POM121L2: variants seen among roughly 807,000 people sequenced by gnomAD.
POM121L2 encodes POM121 transmembrane nucleoporin like 2, also known as POM121-like protein 2.
For synonymous variants in POM121L2, 459 were observed against 483.8 expected (o/e 0.95, Z 0.67); for missense variants, 1,167 against 1,260.3 (o/e 0.93, Z 1.12).
Position 27,311,080 on chromosome 6 carries a change from C to G in POM121L2, c.1091G>C (p.Gly364Ala). 6.4e-7 allele frequency: 1 copy of G among 1,551,920 alleles called. No homozygotes were observed. The highest frequency in any genetic ancestry group is 8.7e-7 in the Non-Finnish European group (1 of 1,147,046). Residue 364 changes from glycine to alanine, a missense_variant, in exon 1 of 1, where the codon GGA (glycine) becomes GCA (alanine). Physicochemically the swap from Gly to Ala is moderately conservative, Grantham distance 60. Coordinates refer to ENST00000444565, the MANE Select transcript of POM121L2 (RefSeq NM_033482.4). Reference protein sequence around the residue: ...KAELQVSNNAGEDTTEVNTDP... With the variant: ...KAELQVSNNAAEDTTEVNTDP... ...TGTGTTGACCTCAGTTGTATCTTCT[C>G]CTGCGTTGTTGCTTACCTGTAGCTC...
chr6:27,309,630 G>A lies in POM121L2; in HGVS notation c.2541C>T (p.Gly847=), dbSNP rs1165989785. The change falls in exon 1 of 1, where the codon GGC becomes GGT. Residue 847 remains glycine (G), a synonymous_variant. Transcript: ENST00000444565. ...TSQTPASTWS[G]IGGIPAGFPI... ...GAAAACCTGCTGGAATGCCGCCAAT[G>A]CCTGACCAGGTGCTGGCAGGGGTTT... The A allele has an allele frequency of 5.8e-6, 9 of 1,551,674 alleles. No homozygotes were observed. The highest frequency in any genetic ancestry group is 1.4e-5 in the African/African-American group (1 of 73,048).
In POM121L2 at chr6:27,309,059, C is replaced by T. The variant is rs766179063; in HGVS notation, c.*4G>A. The T allele has an allele frequency of 8.4e-6, 13 of 1,542,872 alleles. No homozygotes were observed. The highest frequency in any genetic ancestry group is 1.1e-5 in the Non-Finnish European group (12 of 1,142,194). ...ATCAGGGTGCAAGTGACAGGGAACA[C>T]AGGCTACTTCTTGTAGGCATGATGC... On this transcript the variant is annotated 3_prime_UTR_variant, in exon 1 of 1. Coordinates refer to ENST00000444565, the MANE Select transcript of POM121L2 (RefSeq NM_033482.4).
In POM121L2 at chr6:27,309,011, TC is replaced by T. The variant is rs747317250; in HGVS notation, c.*51del. 35 of 1,400,194 alleles carry T rather than the reference TC, an allele frequency of 2.5e-5. No homozygotes were observed. The highest frequency in any genetic ancestry group is 3.3e-5 in the Non-Finnish European group (35 of 1,046,792). The allele number at this position is 1,400,194 out of a possible 1,614,324, so 86.7% of individuals were successfully genotyped here. ...GAAAATTGGAAGACACTGAGGTTTT[TC>T]AAAAACAATACTGAGGTCTAAATCA... On this transcript the variant is annotated 3_prime_UTR_variant, in exon 1 of 1. Transcript: ENST00000444565.
At position 27,310,378 on chromosome 6, in the gene POM121L2, G is replaced by C. The variant is rs1378715017; in HGVS notation, c.1793C>G (p.Ser598Cys). The C allele has an allele frequency of 1.3e-6, 2 of 1,552,002 alleles. No individual in the cohort carries two copies. The highest frequency in any genetic ancestry group is 1.4e-5 in the African/African-American group (1 of 73,056). The change falls in exon 1 of 1, where the codon TCC becomes TGC. Residue 598 changes from serine to cysteine, a missense_variant. Transcript: ENST00000444565. Reference protein sequence around the residue: ...KTTPMIAPFSSKQTPPPFTHA... With the variant: ...KTTPMIAPFSCKQTPPPFTHA... Reference sequence around the variant, plus strand: ...AGTAAATGGAGGAGGGGTCTGCTTGGAGGAGAAAGGAGCTATCATGGGCGT... The same window carrying C: ...AGTAAATGGAGGAGGGGTCTGCTTGCAGGAGAAAGGAGCTATCATGGGCGT...
rs767586989 is a variant in POM121L2, at chr6:27,310,079, T to C, written c.2092A>G (p.Thr698Ala). ...AGGACCTGGGTAAACATGGTGACTG[T>C]ATGCACAGTAGGAATTGTAGGATGG... ...HHHPTIPTVH[T>A]VTMFTQVLSS... Residue 698 changes from threonine to alanine, a missense_variant, in exon 1 of 1, where the codon ACA becomes GCA. Coordinates refer to ENST00000444565, the MANE Select transcript of POM121L2 (RefSeq NM_033482.4). 2 of 1,552,196 alleles carry C rather than the reference T, an allele frequency of 1.3e-6. No homozygotes were observed. Among genetic ancestry groups the C allele is most frequent in the Admixed American group, 2.0e-5 (1 of 51,014 alleles).
In POM121L2 at chr6:27,310,097, T is replaced by C; in HGVS notation, c.2074A>G (p.Thr692Ala). Residue 692 changes from threonine (T) to alanine (A), a missense_variant, in exon 1 of 1, where the codon ACA (threonine) becomes GCA (alanine). Coordinates refer to ENST00000444565, the MANE Select transcript of POM121L2 (RefSeq NM_033482.4). ...GTGACTGTATGCACAGTAGGAATTG[T>C]AGGATGGTGGTGTGGTGGGAAAATG... ...GFIFPPHHHP[T>A]IPTVHTVTMF... is the part of the protein sequence containing the mutation. 6.4e-7 allele frequency: 1 copy of C among 1,552,118 alleles called. No individual in the cohort carries two copies. Among genetic ancestry groups the C allele is most frequent in the South Asian group, 1.2e-5 (1 of 84,062 alleles).
chr6:27,311,133 A>C lies in POM121L2; in HGVS notation c.1038T>G (p.Asp346Glu), dbSNP rs1561790709. 1 of 1,551,864 alleles carries C rather than the reference A, an allele frequency of 6.4e-7. No homozygotes were observed. The highest frequency in any genetic ancestry group is 2.0e-5 in the Admixed American group (1 of 51,006). The change falls in exon 1 of 1, where the codon GAT (aspartate) becomes GAG (glutamate). Residue 346 changes from aspartate to glutamate, a missense_variant. Transcript: ENST00000444565. ...PPPQLGYAVS[D>E]ENLTLGKKAE... ...CTTTCTTCCCCAAAGTCAAGTTCTC[A>C]TCAGAGACTGCATAACCAAGCTGGG...
At position 27,309,999 on chromosome 6, in the gene POM121L2, C is replaced by A. The variant is rs566870482; in HGVS notation, c.2172G>T (p.Met724Ile). 20 of 1,551,866 alleles carry A rather than the reference C, an allele frequency of 1.3e-5. No individual in the cohort carries two copies. The African/African-American group carries it at 2.3e-4, about 18-fold the overall frequency. ...GGGCAGAGGCAGGCAGAGGGCTGCC[C>A]ATACCCCTGAAATTAGCAGTGCTGC... Reference protein sequence around the residue: ...PRSSTANFRGMGSPLPASALV... With the variant: ...PRSSTANFRGIGSPLPASALV... The change falls in exon 1 of 1, where the codon ATG (methionine) becomes ATT (isoleucine). Residue 724 changes from methionine to isoleucine, a missense_variant. Met to Ile is a conservative substitution (Grantham distance 10). Transcript: ENST00000444565.
Position 27,309,057 on chromosome 6 carries a change from C to G in POM121L2, c.*6G>C, listed in dbSNP as rs1375179531. ...AAATCAGGGTGCAAGTGACAGGGAA[C>G]ACAGGCTACTTCTTGTAGGCATGAT... On this transcript the variant is annotated 3_prime_UTR_variant, in exon 1 of 1. Coordinates refer to ENST00000444565, the MANE Select transcript of POM121L2 (RefSeq NM_033482.4). 2.6e-6 allele frequency: 4 copies of G among 1,541,938 alleles called. No homozygotes were observed. The highest frequency in any genetic ancestry group is 3.5e-6 in the Non-Finnish European group (4 of 1,141,694).
Position 27,311,977 on chromosome 6 carries a change from G to A in POM121L2, c.194C>T (p.Ala65Val), listed in dbSNP as rs1253361552. 7 of 1,550,744 alleles carry A rather than the reference G, an allele frequency of 4.5e-6. No individual in the cohort carries two copies. The highest frequency in any genetic ancestry group is 6.1e-6 in the Non-Finnish European group (7 of 1,146,554). ...PVRRRPNLDP[A>V]NPTTWLANEA... ...GTTGGCCAGCCACGTGGTTGGATTGGCAGGATCCAGGTTTGGCCGCCTCCT... is the reference window on the plus strand; with the variant it reads ...GTTGGCCAGCCACGTGGTTGGATTGACAGGATCCAGGTTTGGCCGCCTCCT... The change falls in exon 1 of 1, where the codon GCC becomes GTC. Residue 65 changes from alanine (A) to valine (V), a missense_variant. By Grantham distance (64) the Ala-to-Val change is moderately conservative (BLOSUM62 0). Coordinates refer to ENST00000444565, the MANE Select transcript of POM121L2 (RefSeq NM_033482.4).
In POM121L2 at chr6:27,311,103, C is replaced by T; in HGVS notation, c.1068G>A (p.Glu356=). 4 of 1,551,838 alleles carry T rather than the reference C, an allele frequency of 2.6e-6. No homozygotes were observed. Among genetic ancestry groups the T allele is most frequent in the Non-Finnish European group, 3.5e-6 (4 of 1,147,032 alleles). The change falls in exon 1 of 1, where the codon GAG becomes GAA. Residue 356 remains glutamate, a synonymous_variant. Coordinates refer to ENST00000444565, the MANE Select transcript of POM121L2 (RefSeq NM_033482.4). Reference sequence around the variant, plus strand: ...CTCCTGCGTTGTTGCTTACCTGTAGCTCAGCTTTCTTCCCCAAAGTCAAGT... The same window carrying T: ...CTCCTGCGTTGTTGCTTACCTGTAGTTCAGCTTTCTTCCCCAAAGTCAAGT... ...DENLTLGKKA[E]LQVSNNAGED...
At position 27,309,066 on chromosome 6, in the gene POM121L2, C is replaced by T. The variant is rs763871064; in HGVS notation, c.3105G>A (p.Lys1035=). Residue 1035 remains lysine (K), a synonymous_variant, in exon 1 of 1, where the codon AAG becomes AAA. Transcript: ENST00000444565. ...GHSRRHHAYK[K] is the part of the protein sequence containing the mutation. ...TGCAAGTGACAGGGAACACAGGCTACTTCTTGTAGGCATGATGCCTTCGGG... is the reference window on the plus strand; with the variant it reads ...TGCAAGTGACAGGGAACACAGGCTATTTCTTGTAGGCATGATGCCTTCGGG... 6.5e-7 allele frequency: 1 copy of T among 1,547,890 alleles called. No homozygotes were observed. The highest frequency in any genetic ancestry group is 2.4e-5 in the East Asian group (1 of 40,890).
In POM121L2 at chr6:27,309,912, T is replaced by A; in HGVS notation, c.2259A>T (p.Thr753=). 1.3e-6 allele frequency: 2 copies of A among 1,551,614 alleles called. No individual in the cohort carries two copies. Among genetic ancestry groups the A allele is most frequent in the Non-Finnish European group, 1.7e-6 (2 of 1,146,980 alleles). ...GCCTTGAGCTTGATCCCAAGGGACT[T>A]GTGATTGCTGGAGTCAGGTTGGAGA... The part of the protein sequence containing the change: ...PSISNLTPAI[T]SPLGSSSRPP... Residue 753 remains threonine (T), a synonymous_variant, in exon 1 of 1, where the codon ACA becomes ACT. Coordinates refer to ENST00000444565, the MANE Select transcript of POM121L2 (RefSeq NM_033482.4).
chr6:27,309,530 A>C lies in POM121L2; in HGVS notation c.2641T>G (p.Phe881Val), dbSNP rs1215271019. 2 of 1,552,012 alleles carry C rather than the reference A, an allele frequency of 1.3e-6. No individual in the cohort carries two copies. The highest frequency in any genetic ancestry group is 2.7e-5 in the African/African-American group (2 of 73,064). Residue 881 changes from phenylalanine to valine, a missense_variant, in exon 1 of 1, where the codon TTT (phenylalanine) becomes GTT (valine). Physicochemically the swap from Phe to Val is conservative, Grantham distance 50. Coordinates refer to ENST00000444565, the MANE Select transcript of POM121L2 (RefSeq NM_033482.4). ...THQSGAFGSV[F>V]GSRAPQPFTF... ...AAAGGTTGTGGAGCTCTGCTGCCAA[A>C]CACTGAGCCAAAAGCCCCACTTTGG... is the stretch of plus-strand genomic sequence containing the variant.
Position 27,311,306 on chromosome 6 carries a change from C to T in POM121L2, c.865G>A (p.Glu289Lys). ...FETPEWPIKK[E>K]KSCHRPSSPV... Reference sequence around the variant, plus strand: ...GAGGAAGGCCGATGACAACTTTTTTCCTTTTTTATTGGCCACTCTGGTGTC... The same window carrying T: ...GAGGAAGGCCGATGACAACTTTTTTTCTTTTTTATTGGCCACTCTGGTGTC... Residue 289 changes from glutamate (E) to lysine (K), a missense_variant, in exon 1 of 1, where the codon GAA becomes AAA. Glu to Lys is a moderately conservative substitution (Grantham distance 56). Transcript: ENST00000444565. 1 of 1,551,658 alleles carries T rather than the reference C, an allele frequency of 6.4e-7. No individual in the cohort carries two copies. The highest frequency in any genetic ancestry group is 8.7e-7 in the Non-Finnish European group (1 of 1,146,996).
At position 27,311,502 on chromosome 6, in the gene POM121L2, G is replaced by C; in HGVS notation, c.669C>G (p.Gly223=). ...GCCTCTTAGTCAAGCTGTGATCTGAGCCCCAGGAGTGGAGACTTCTCTTCA... is the reference window on the plus strand; with the variant it reads ...GCCTCTTAGTCAAGCTGTGATCTGACCCCCAGGAGTGGAGACTTCTCTTCA... The part of the protein sequence containing the change: ...GPLKRSLHSW[G]SDHSLTKRPN... Residue 223 remains glycine (G), a synonymous_variant, in exon 1 of 1, where the codon GGC becomes GGG. Coordinates refer to ENST00000444565, the MANE Select transcript of POM121L2 (RefSeq NM_033482.4). The C allele has an allele frequency of 6.4e-7, 1 of 1,551,804 alleles. No individual in the cohort carries two copies. The highest frequency in any genetic ancestry group is 8.7e-7 in the Non-Finnish European group (1 of 1,147,016).
In POM121L2 at chr6:27,311,197, G is replaced by A. The variant is rs937423049; in HGVS notation, c.974C>T (p.Pro325Leu). ...TGACACCAGGTTCTCAGGGCTAGAC[G>A]GCAGCTGTGGAATCTTCTGGTTTTG... ...GQQNQKIPQL[P>L]SSPENLVSEI... Residue 325 changes from proline (P) to leucine (L), a missense_variant, in exon 1 of 1, where the codon CCG becomes CTG. Transcript: ENST00000444565. 14 of 1,551,758 alleles carry A rather than the reference G, an allele frequency of 9.0e-6. No homozygotes were observed. The highest frequency in any genetic ancestry group is 5.5e-5 in the African/African-American group (4 of 73,020).
chr6:27,311,303 T>C lies in POM121L2; in HGVS notation c.868A>G (p.Lys290Glu). ...ETPEWPIKKE[K>E]SCHRPSSPVP... ...GGAGAGGAAGGCCGATGACAACTTT[T>C]TTCCTTTTTTATTGGCCACTCTGGT... Residue 290 changes from lysine to glutamate, a missense_variant, in exon 1 of 1, where the codon AAA becomes GAA. Coordinates refer to ENST00000444565, the MANE Select transcript of POM121L2 (RefSeq NM_033482.4). The C allele has an allele frequency of 6.4e-7, 1 of 1,551,692 alleles. No homozygotes were observed. The highest frequency in any genetic ancestry group is 8.7e-7 in the Non-Finnish European group (1 of 1,147,010).
rs1760709434 is a variant in POM121L2 at position 27,309,229 on chromosome 6, G to T, written c.2942C>A (p.Ala981Glu). 1.9e-6 allele frequency: 3 copies of T among 1,551,740 alleles called. No individual in the cohort carries two copies. Among genetic ancestry groups the T allele is most frequent in the Middle Eastern group, 1.7e-4 (1 of 6,014 alleles). Residue 981 changes from alanine (A) to glutamate (E), a missense_variant, in exon 1 of 1, where the codon GCA becomes GAA. By Grantham distance (107) the Ala-to-Glu change is moderately radical. Coordinates refer to ENST00000444565, the MANE Select transcript of POM121L2 (RefSeq NM_033482.4). ...QNTPVPGQAK[A>E]GSSVGFGMPF... ...CATCCCAAAGCCAACACTGCTGCCT[G>T]CCTTAGCTTGTCCAGGGACTGGGGT... is the stretch of plus-strand genomic sequence containing the variant.
Sources: allele counts gnomAD v4.1 joint callset, GRCh38; gene constraint gnomAD v4.1.1; transcripts MANE v1.5; gene names NCBI Gene and HGNC (gene_info 2026-07-23, HGNC 2026-07-21).